CAPS2: variants seen among roughly 807,000 people sequenced by gnomAD.
CAPS2 encodes calcyphosin-2.
CAPS2 carries 98 observed loss-of-function variants against 86.5 expected under a neutral mutation model. The ratio of observed to expected loss-of-function variants is 1.13; its 90% CI spans 0.96 to 1.34. The LOEUF (loss-of-function observed/expected upper bound fraction) is 1.34, where lower values mean the gene tolerates loss of function less well. Ranked by LOEUF, CAPS2 falls within the 40% of genes most tolerant of loss-of-function variation. The pLI is 0.00. For missense variants in CAPS2, 729 were observed against 686.8 expected (o/e 1.06, Z -0.69); for synonymous variants, 210 against 225.1 (o/e 0.93, Z 0.60).
intron 1 of CAPS2, chr12:75,370,056 T>G: frequency 7.1e-7 from 1 of 1,414,440 alleles, no homozygotes; most frequent in Non-Finnish European, 9.9e-7. Context: ...AACTCTTAAC[T>G]ATTCTGGTTT....
exon 17 of CAPS2, chr12:75,277,730 A>C (rs2033177281): frequency 1.2e-6 from 1 of 833,632 alleles, no homozygotes; most frequent in Admixed American, 6.3e-5. Context: ...ATATTCTACA[A>C]AGTAAATATT....
chr12:75,282,223 C>T, intron 16 of CAPS2, 28 bp downstream of exon 16: 1 of 1,140,690 alleles, frequency 8.8e-7, no homozygotes, highest in Non-Finnish European at 1.3e-6. Context: ...TTTTCAAAGT[C>T]CAATGCATTT....
chr12:75,372,083 T>G (rs1461255036), intron 1 of CAPS2, among the ~76,000 whole-genome samples: 2 of 152,212 alleles, frequency 1.3e-5, no homozygotes, highest in Non-Finnish European at 2.9e-5. Flanking sequence ...GGCACGATCT[T>G]GGCTCACTGC....
chr12:75,340,296 T>C (rs1319578406), intron 1 of CAPS2, among the ~76,000 whole-genome samples: 5 of 151,944 alleles, frequency 3.3e-5, no homozygotes, highest in African/African-American at 1.2e-4. Context: ...AAAAACGACG[T>C]ATTTTCCTCT....
intron 15 of CAPS2, among the ~76,000 whole-genome samples, chr12:75,284,038 A>G (rs2034449532): frequency 6.6e-6 from 1 of 152,182 alleles, no homozygotes; most frequent in Non-Finnish European, 1.5e-5. Context: ...TGGCAGCCCA[A>G]GCAAACTAAT....
rs537130063 is a variant in CAPS2, at chr12:75,321,473, C to A, written c.395G>T (p.Ser132Ile). 7.2e-5 allele frequency: 111 copies of A among 1,546,852 alleles called. No homozygotes were observed. In the South Asian group the frequency reaches 1.2e-3, roughly 17 times the overall value. ...TTTTGTATTTTCTGCATTTCTCTGA[C>A]TATACTGCTTATAGCCCTCTTTAAT... Residue 132 changes from serine (S) to isoleucine (I), a missense_variant, in exon 5 of 17, where the codon AGT (serine) becomes ATT (isoleucine). Ser to Ile is a moderately radical substitution (Grantham distance 142). Transcript: ENST00000393284.
intron 1 of CAPS2, among the ~76,000 whole-genome samples, chr12:75,367,377 C>T (rs184427427): frequency 6.6e-6 from 1 of 151,384 alleles, no homozygotes; most frequent in East Asian, 1.9e-4. Flanking sequence ...TTCTTTATGT[C>T]CGTCTATAAG....
intron 1 of CAPS2, among the ~76,000 whole-genome samples, chr12:75,361,469 C>T (rs1217961212): frequency 6.6e-6 from 1 of 152,184 alleles, no homozygotes; most frequent in African/African-American, 2.4e-5. Context: ...CATCTGGCTG[C>T]CTCCTGCCAC....
At chr12:75,296,251 T>C (rs2036851684) in intron 11 of CAPS2, among the ~76,000 whole-genome samples, 3 of 152,152 alleles carry the variant, frequency 2.0e-5, no homozygotes, top group African/African-American at 4.8e-5. Context: ...ACAGTCTGTG[T>C]CAGTGCATAT....
intron 11 of CAPS2, among the ~76,000 whole-genome samples, 181 bp from the exon 12 acceptor site, chr12:75,293,548 T>C (rs2036376952): frequency 6.6e-6 from 1 of 152,218 alleles, no homozygotes; most frequent in Non-Finnish European, 1.5e-5. Flanking sequence ...CCAATATCTC[T>C]GTCAATCTCA....
chr12:75,383,725 T>C (rs1278637243), intron 1 of CAPS2, among the ~76,000 whole-genome samples: 2 of 152,146 alleles, frequency 1.3e-5, no homozygotes, highest in East Asian at 3.8e-4. Flanking sequence ...AATAGCAGAA[T>C]ATATATTCTC....
At chr12:75,283,821 T>C (rs546943228) in intron 15 of CAPS2, among the ~76,000 whole-genome samples, 1 of 151,534 alleles carries the variant, frequency 6.6e-6, no homozygotes, top group South Asian at 2.1e-4. Flanking sequence ...CTCAAAAAAA[T>C]AAATAAATAA....
At chr12:75,362,166 T>C (rs995325665) in intron 1 of CAPS2, among the ~76,000 whole-genome samples, 2 of 152,086 alleles carry the variant, frequency 1.3e-5, no homozygotes, top group Non-Finnish European at 2.9e-5. Context: ...TAGGAAGAAC[T>C]CTCACAACTC....
chr12:75,380,828 T>G (rs2044922819), intron 1 of CAPS2, among the ~76,000 whole-genome samples: 1 of 152,202 alleles, frequency 6.6e-6, no homozygotes, highest in Non-Finnish European at 1.5e-5. Flanking sequence ...ACATTCAAAT[T>G]TACCAATATA....
chr12:75,301,064 C>T (rs1440253767), intron 8 of CAPS2, among the ~76,000 whole-genome samples: 1 of 152,112 alleles, frequency 6.6e-6, no homozygotes, highest in Non-Finnish European at 1.5e-5. Flanking sequence ...ATAAAGGCTG[C>T]CAGCCCTAAA....
At chr12:75,305,506 G>A in intron 7 of CAPS2, 2 of 604,402 alleles carry the variant, frequency 3.3e-6, no homozygotes, top group South Asian at 1.5e-5. Context: ...CTCCAGCTCC[G>A]AGGTGCATAG....
At chr12:75,352,957 G>C (rs566490016) in intron 1 of CAPS2, among the ~76,000 whole-genome samples, 2 of 152,124 alleles carry the variant, frequency 1.3e-5, no homozygotes, top group Non-Finnish European at 2.9e-5. Context: ...TAAGAACAAC[G>C]ATATAACACA....
At chr12:75,335,538 A>T (rs1269061090) in intron 1 of CAPS2, among the ~76,000 whole-genome samples, 1 of 152,180 alleles carries the variant, frequency 6.6e-6, no homozygotes, top group Admixed American at 6.5e-5. Flanking sequence ...AAACGTTGAT[A>T]GTATTAGTCT....
At chr12:75,320,764 T>C (rs1034975934) in intron 5 of CAPS2, among the ~76,000 whole-genome samples, 1 of 151,994 alleles carries the variant, frequency 6.6e-6, no homozygotes, top group African/African-American at 2.4e-5. Flanking sequence ...ATCTTCTTTA[T>C]GGCCACTAGT....
Sources: allele counts gnomAD v4.1 joint callset (sites outside exome capture counted in the v4.1 genomes callset), GRCh38; gene constraint gnomAD v4.1.1; transcripts MANE v1.5; gene names NCBI Gene and HGNC (gene_info 2026-07-23, HGNC 2026-07-21).